RBMS3: variants seen among roughly 807,000 people sequenced by gnomAD.
RBMS3 encodes the protein RNA-binding motif, single-stranded-interacting protein 3.
RBMS3 carries 27 observed loss-of-function variants against 66.8 expected under a neutral mutation model. That is an observed-to-expected ratio of 0.40 (90% confidence interval 0.30 to 0.56). The LOEUF is 0.56. RBMS3 is among the 20% of genes least tolerant of loss of function. RBMS3 has a pLI of 0.40. For missense variants in RBMS3, 513 were observed against 549.5 expected (o/e 0.93, Z 0.66); for synonymous variants, 188 against 183.0 (o/e 1.03, Z -0.22).
intron 9 of RBMS3, among the ~76,000 whole-genome samples, chr3:29,899,381 A>G (rs964035966): frequency 1.1e-4 from 17 of 151,672 alleles, no homozygotes; most frequent in Non-Finnish European, 5.9e-5. Flanking sequence ...CATCCCTGAA[A>G]GCTGATCTTC....
chr3:29,318,160 T>C (rs2034799559), intron 1 of RBMS3, among the ~76,000 whole-genome samples: 1 of 151,880 alleles, frequency 6.6e-6, no homozygotes, highest in African/African-American at 2.4e-5. Flanking sequence ...AAGCAGGCAT[T>C]TGTAACATTC....
intron 14 of RBMS3, among the ~76,000 whole-genome samples, chr3:29,999,854 C>G (rs997883427): frequency 6.6e-6 from 1 of 151,938 alleles, no homozygotes; most frequent in Non-Finnish European, 1.5e-5. Context: ...CACATGTGTA[C>G]ATATGTAACA....
At chr3:29,654,520 TCG>T (rs1491487906) in intron 4 of RBMS3, among the ~76,000 whole-genome samples, 4 of 109,182 alleles carry the variant, frequency 3.7e-5, no homozygotes, top group African/African-American at 7.5e-5. Context: ...TGAATTGGAT[TCG>T]TGTGTGTGTG....
chr3:29,994,585 G>A (rs1280695185), intron 14 of RBMS3, among the ~76,000 whole-genome samples: 2 of 152,242 alleles, frequency 1.3e-5, no homozygotes, highest in African/African-American at 4.8e-5. Flanking sequence ...GGAGATCTGA[G>A]AATGGGCAGA....
At chr3:29,701,747 T>C (rs2052595940) in intron 4 of RBMS3, among the ~76,000 whole-genome samples, 2 of 152,122 alleles carry the variant, frequency 1.3e-5, no homozygotes, top group African/African-American at 4.8e-5. Context: ...CCTGGTCCTC[T>C]AGCAGTGCCG....
intron 8 of RBMS3, among the ~76,000 whole-genome samples, chr3:29,892,831 G>GTATTTATT: frequency 7.3e-6 from 1 of 137,416 alleles, no homozygotes; most frequent in African/African-American, 3.0e-5. Context: ...ATGTATGTAT[G>GTATTTATT]TATGTATGTA....
intron 4 of RBMS3, among the ~76,000 whole-genome samples, chr3:29,650,279 CTTTT>C (rs560594950): frequency 9.4e-5 from 9 of 96,232 alleles, no homozygotes; most frequent in Admixed American, 5.4e-4. Flanking sequence ...TCCTTTCTTT[CTTTT>C]TTTTTTTTTT....
chr3:29,470,636 A>G (rs940996461), intron 2 of RBMS3, among the ~76,000 whole-genome samples: 4 of 152,068 alleles, frequency 2.6e-5, no homozygotes, highest in African/African-American at 9.7e-5. Flanking sequence ...TACTAATTAT[A>G]AAATAACCAG....
intron 6 of RBMS3, among the ~76,000 whole-genome samples, chr3:29,816,153 A>G (rs746150555): frequency 1.3e-5 from 2 of 151,788 alleles, no homozygotes; most frequent in Non-Finnish European, 2.9e-5. Context: ...ATATGGTTTG[A>G]CCTCTTTAAG....
intron 6 of RBMS3, among the ~76,000 whole-genome samples, chr3:29,789,246 A>T (rs1429205506): frequency 6.6e-6 from 1 of 152,090 alleles, no homozygotes; most frequent in Non-Finnish European, 1.5e-5. Context: ...GAATGGTGAT[A>T]GACGTATTTA....
intron 4 of RBMS3, among the ~76,000 whole-genome samples, chr3:29,692,716 A>G (rs2052085603): frequency 6.6e-6 from 1 of 152,200 alleles, no homozygotes. Flanking sequence ...GAATAGCTAT[A>G]TTGTTCCTGC....
At chr3:29,555,497 A>C (rs575476679) in intron 3 of RBMS3, among the ~76,000 whole-genome samples, 2 of 152,294 alleles carry the variant, frequency 1.3e-5, no homozygotes, top group Admixed American at 6.5e-5. Flanking sequence ...CTGCTTGAGG[A>C]TCTAGAAGGA....
intron 14 of RBMS3, among the ~76,000 whole-genome samples, chr3:30,000,785 A>G (rs1482279354): frequency 6.6e-6 from 1 of 152,136 alleles, no homozygotes; most frequent in Non-Finnish European, 1.5e-5. Flanking sequence ...AACTAACACA[A>G]GAACAGAAAA....
intron 6 of RBMS3, among the ~76,000 whole-genome samples, chr3:29,833,307 TA>T (rs1162693264): frequency 1.3e-5 from 2 of 152,164 alleles, no homozygotes; most frequent in East Asian, 3.8e-4. Flanking sequence ...AATATTCCAA[TA>T]ATGAGCCTAT....
intron 4 of RBMS3, among the ~76,000 whole-genome samples, chr3:29,694,228 T>A (rs2149277591): frequency 6.6e-6 from 1 of 152,310 alleles, no homozygotes; most frequent in African/African-American, 2.4e-5. Context: ...TGTTTTTCAT[T>A]ACATTTTGAT....
intron 4 of RBMS3, among the ~76,000 whole-genome samples, chr3:29,724,520 C>T (rs544853340): frequency 5.3e-5 from 8 of 152,152 alleles, no homozygotes; most frequent in Admixed American, 2.0e-4. Context: ...GTCAGGGCCA[C>T]CATGTCATTA....
At chr3:29,361,473 C>G (rs2037585424) in intron 1 of RBMS3, among the ~76,000 whole-genome samples, 1 of 152,110 alleles carries the variant, frequency 6.6e-6, no homozygotes. Flanking sequence ...CTCTGTCTGC[C>G]CTTAACATTT....
rs2048947020 is a variant in RBMS3 at position 29,623,428 on chromosome 3, T to TA, written c.399+36228dup. On this transcript the variant is annotated intron_variant, in intron 4 of 14. Transcript: ENST00000383767. Reference sequence around the variant, plus strand: ...TAACACGGTGAAACCCCGTCTCTACTAAAAATACAAAAAATTAGCCAGGCG... The same window carrying TA: ...TAACACGGTGAAACCCCGTCTCTACTAAAAAATACAAAAAATTAGCCAGGCG... Among the ~76,000 whole-genome samples the TA allele has an allele frequency of 3.3e-5, 5 of 149,412 alleles. No individual in the cohort carries two copies. The East Asian group carries it at 8.2e-4, about 24-fold the overall frequency.
At chr3:29,677,538 C>A (rs889954918) in intron 4 of RBMS3, among the ~76,000 whole-genome samples, 3 of 151,812 alleles carry the variant, frequency 2.0e-5, no homozygotes, top group Admixed American at 6.6e-5. Context: ...TTTTTGAAAG[C>A]CTGTGCACTT....
Sources: allele counts gnomAD v4.1 joint callset (sites outside exome capture counted in the v4.1 genomes callset), GRCh38; gene constraint gnomAD v4.1.1; transcripts MANE v1.5; gene names NCBI Gene and HGNC (gene_info 2026-07-23, HGNC 2026-07-21).